Variants in DPEP1 observed in about 807,000 individuals in gnomAD.
The protein encoded by DPEP1 is dipeptidase 1.
Under a neutral mutation model 42.3 loss-of-function variants are expected in DPEP1, and 50 were observed. The ratio of observed to expected loss-of-function variants is 1.18; its 90% confidence interval spans 0.94 to 1.50. The LOEUF (loss-of-function observed/expected upper bound fraction) is 1.50. Ranked by LOEUF, DPEP1 falls within the 40% of genes most tolerant of loss-of-function variation. DPEP1 has a pLI of 0.00. For synonymous variants in DPEP1, 297 were observed against 234.0 expected (o/e 1.27, Z -2.46); for missense variants, 663 against 553.0 (o/e 1.20, Z -1.99).
chr16:89,637,701 T>A lies in DPEP1; in HGVS notation c.923T>A (p.Val308Asp). ...AVGFGGDFDG[V>D]PRVPEGLEDV... ...GGTTTTGGTGGGGACTTTGATGGTGTTCCAAGGTAAGGGGCTGAGAGCTCT... is the reference window on the plus strand; with the variant it reads ...GGTTTTGGTGGGGACTTTGATGGTGATCCAAGGTAAGGGGCTGAGAGCTCT... Residue 308 changes from valine (V) to aspartate (D), a missense_variant, in exon 9 of 11, where the codon GTT becomes GAT. Coordinates refer to ENST00000690203, the MANE Select transcript of DPEP1 (RefSeq NM_001389466.1). 6.2e-7 allele frequency: 1 copy of A among 1,612,952 alleles called. No homozygotes were observed. The highest frequency in any genetic ancestry group is 2.2e-5 in the East Asian group (1 of 44,874).
intron 1 of DPEP1, among the ~76,000 whole-genome samples, chr16:89,629,714 G>T (rs1358821145): frequency 2.0e-5 from 3 of 152,190 alleles, no homozygotes; most frequent in Non-Finnish European, 4.4e-5. Context: ...TCCTAGAGAG[G>T]CCCCGGTTCT....
intron 1 of DPEP1, among the ~76,000 whole-genome samples, chr16:89,615,673 G>T (rs551541522): frequency 6.6e-6 from 1 of 152,184 alleles, no homozygotes; most frequent in Non-Finnish European, 1.5e-5. Flanking sequence ...CCAGGACCCC[G>T]CCTTGCAGGA....
At chr16:89,614,861 A>G (rs1303450238) in intron 1 of DPEP1, among the ~76,000 whole-genome samples, 1 of 152,170 alleles carries the variant, frequency 6.6e-6, no homozygotes, top group Non-Finnish European at 1.5e-5. Context: ...ATCACAGGAC[A>G]TGCTAGAGAG....
intron 1 of DPEP1, 81 bp downstream of exon 1, chr16:89,613,800 C>A: frequency 6.3e-6 from 1 of 159,434 alleles, no homozygotes; most frequent in Non-Finnish European, 1.4e-5. Flanking sequence ...CCCAGGGCAC[C>A]ACTGTGGGTG....
chr16:89,637,768 G>A (rs1452016063), intron 9 of DPEP1, 61 bp downstream of exon 9: 9 of 1,612,692 alleles, frequency 5.6e-6, no homozygotes, highest in Admixed American at 1.7e-5. Flanking sequence ...TCGTCAGAGG[G>A]ATGAGGTGGC....
chr16:89,615,958 C>T (rs1040674382), intron 1 of DPEP1, among the ~76,000 whole-genome samples: 1 of 152,068 alleles, frequency 6.6e-6, no homozygotes, highest in East Asian at 1.9e-4. Flanking sequence ...CAGGCGTCCC[C>T]TACGTGTCGT....
At chr16:89,631,628 G>A (rs1440799006) in intron 2 of DPEP1, among the ~76,000 whole-genome samples, 1 of 152,180 alleles carries the variant, frequency 6.6e-6, no homozygotes, top group Non-Finnish European at 1.5e-5. Context: ...GGCCGAGGCG[G>A]GCGGATCACC....
chr16:89,615,932 C>A (rs1340802391), intron 1 of DPEP1, among the ~76,000 whole-genome samples: 3 of 152,106 alleles, frequency 2.0e-5, no homozygotes, highest in Non-Finnish European at 4.4e-5. Flanking sequence ...ATACTGAGGC[C>A]CAAAGGCGCA....
chr16:89,624,050 C>T lies in DPEP1; in HGVS notation c.-106-6255C>T, dbSNP rs114757283. Among the ~76,000 whole-genome samples the T allele has an allele frequency of 8.9e-3, 1,360 of 152,202 alleles. 17 individuals carry two copies. Among genetic ancestry groups the T allele is most frequent in the African/African-American group, 0.029 (1,206 of 41,510 alleles). ...CACCTCCTGAGGGACAAAGGTTTCC[C>T]GCCCAAAGTGCACATCCAGAGAAAC... On this transcript the variant is annotated intron_variant, in intron 1 of 10. Transcript: ENST00000690203.
chr16:89,622,694 G>A (rs1319479593), intron 1 of DPEP1, among the ~76,000 whole-genome samples: 3 of 151,492 alleles, frequency 2.0e-5, no homozygotes, highest in Non-Finnish European at 4.4e-5. Context: ...TGAGGCAGGA[G>A]AATCGCTTGA....
intron 2 of DPEP1, among the ~76,000 whole-genome samples, chr16:89,633,357 C>T (rs561096585): frequency 1.2e-4 from 18 of 152,356 alleles, no homozygotes; most frequent in East Asian, 3.9e-4. Flanking sequence ...GGCGTGCGCC[C>T]GCCCATCTGC....
rs1219923615 is a variant in DPEP1, at chr16:89,638,102, G to C, written c.1116G>C (p.Gln372His). Reference protein sequence around the residue: ...APEEEPIPLDQLGGSCRTHYG... With the variant: ...APEEEPIPLDHLGGSCRTHYG... Reference sequence around the variant, plus strand: ...AGGAGGAGCCCATCCCGCTGGACCAGCTGGGTGGCTCCTGCAGGACCCATT... The same window carrying C: ...AGGAGGAGCCCATCCCGCTGGACCACCTGGGTGGCTCCTGCAGGACCCATT... Residue 372 changes from glutamine to histidine, a missense_variant, in exon 11 of 11, where the codon CAG (glutamine) becomes CAC (histidine). Transcript: ENST00000690203. 3.1e-6 allele frequency: 5 copies of C among 1,612,222 alleles called. No homozygotes were observed. The highest frequency in any genetic ancestry group is 1.3e-5 in the African/African-American group (1 of 74,914).
chr16:89,618,186 T>C (rs546504094), intron 1 of DPEP1, among the ~76,000 whole-genome samples: 5 of 152,278 alleles, frequency 3.3e-5, no homozygotes, highest in African/African-American at 1.2e-4. Context: ...AACAAAATTG[T>C]ACAATTCACA....
chr16:89,629,273 G>A (rs1033159064), intron 1 of DPEP1, among the ~76,000 whole-genome samples: 1 of 152,192 alleles, frequency 6.6e-6, no homozygotes, highest in Non-Finnish European at 1.5e-5. Context: ...GCCAAAGCAG[G>A]CAGGTTTGCT....
downstream of DPEP1, among the ~76,000 whole-genome samples, chr16:89,640,162 C>T (rs1297032304): frequency 2.0e-5 from 3 of 152,190 alleles, no homozygotes; most frequent in East Asian, 1.9e-4. Flanking sequence ...TCCAAGGGTT[C>T]GTCTTGAGAT....
chr16:89,638,825 C>G (rs2059718859), downstream of DPEP1, among the ~76,000 whole-genome samples: 1 of 86,284 alleles, frequency 1.2e-5, no homozygotes, highest in East Asian at 4.7e-4. Flanking sequence ...ACACCCCACC[C>G]CTGCACACAC....
intron 2 of DPEP1, 144 bp from the exon 3 acceptor site, chr16:89,635,764 T>C (rs2059669282): frequency 4.2e-6 from 5 of 1,177,056 alleles, no homozygotes; most frequent in African/African-American, 3.1e-5. Flanking sequence ...GCCGGTGATA[T>C]GTCACCCCCG....
chr16:89,631,731 C>G (rs995142070), intron 2 of DPEP1, among the ~76,000 whole-genome samples: 1 of 152,142 alleles, frequency 6.6e-6, no homozygotes, highest in African/African-American at 2.4e-5. Flanking sequence ...GTGGCGCATG[C>G]CTGTAGTCCC....
downstream of DPEP1, among the ~76,000 whole-genome samples, chr16:89,641,223 G>A (rs1005227543): frequency 6.6e-6 from 1 of 152,082 alleles, no homozygotes; most frequent in Admixed American, 6.5e-5. Flanking sequence ...AGGGCTGCGG[G>A]GGGGGGTTGA....
Sources: gnomAD v4.1 joint callset for allele counts (sites outside exome capture counted in the v4.1 genomes callset) on GRCh38, gnomAD v4.1.1 for gene constraint, MANE v1.5 for transcripts, NCBI Gene and HGNC (gene_info 2026-07-23, HGNC 2026-07-21) for gene names.